Variants in WWOX observed in about 807,000 individuals in gnomAD.
WWOX encodes WW domain-containing oxidoreductase.
Under a neutral mutation model 46.2 loss-of-function variants are expected in WWOX, and 69 were observed. The ratio of observed to expected loss-of-function variants is 1.49; its 90% CI spans 1.23 to 1.82. The LOEUF (loss-of-function observed/expected upper bound fraction) is 1.82. Among genes scored for constraint, WWOX ranks in the 40% most tolerant of loss-of-function variants. The probability of loss-of-function intolerance (pLI) is 0.00; values close to 1 mark genes in which losing one functional copy is unlikely to be tolerated. For synonymous variants in WWOX, 359 were observed against 202.6 expected (o/e 1.77, Z -6.56); for missense variants, 919 against 542.6 (o/e 1.69, Z -6.89).
At chr16:78,499,725 C>A (rs1366414561) in intron 8 of WWOX, among the ~76,000 whole-genome samples, 2 of 152,096 alleles carry the variant, frequency 1.3e-5, no homozygotes, top group Non-Finnish European at 2.9e-5. Context: ...ATCTGTAGCT[C>A]CAGTATCCAG....
intron 8 of WWOX, among the ~76,000 whole-genome samples, chr16:78,985,806 G>GAT (rs753450161): frequency 4.9e-4 from 75 of 152,262 alleles, no homozygotes; most frequent in Admixed American, 1.6e-3. Flanking sequence ...AATTTACCTG[G>GAT]ATCCTCACAT....
chr16:78,243,086 A>G (rs1041112008), intron 5 of WWOX, among the ~76,000 whole-genome samples: 9 of 152,042 alleles, frequency 5.9e-5, no homozygotes, highest in Admixed American at 5.2e-4. Context: ...ACCCAGGTCC[A>G]TTCTTCCACT....
chr16:78,900,459 T>A (rs1166485390), intron 8 of WWOX, among the ~76,000 whole-genome samples: 3 of 152,212 alleles, frequency 2.0e-5, no homozygotes, highest in African/African-American at 7.2e-5. Flanking sequence ...GGAAAGTGAT[T>A]CATGAAACAG....
At chr16:78,723,594 TTTCTTTTCTTTTCTTTTCTTTTC>T (rs2048748631) in intron 8 of WWOX, among the ~76,000 whole-genome samples, 1 of 28,988 alleles carries the variant, frequency 3.4e-5, no homozygotes, top group African/African-American at 2.2e-4. Context: ...TTTCTTTTCT[TTTCTTTTCTTTTCTTTTCTTTTC>T]TTTTCTTTTC....
intron 8 of WWOX, among the ~76,000 whole-genome samples, chr16:78,894,789 A>G (rs62036258): frequency 0.12 from 18,912 of 152,158 alleles, 1,514 homozygotes; most frequent in Non-Finnish European, 0.17. Flanking sequence ...TTATCATATG[A>G]AGTTGACCTT....
chr16:78,493,941 G>T (rs2084847909), intron 8 of WWOX, among the ~76,000 whole-genome samples: 1 of 152,164 alleles, frequency 6.6e-6, no homozygotes, highest in South Asian at 2.1e-4. Flanking sequence ...ATAATAATTG[G>T]AAAGTGTATT....
intron 5 of WWOX, among the ~76,000 whole-genome samples, chr16:78,335,980 T>A (rs1201624685): frequency 6.6e-6 from 1 of 152,010 alleles, no homozygotes; most frequent in Admixed American, 6.5e-5. Context: ...TAGTCCCAGC[T>A]ATTTGGAAGG....
chr16:78,761,015 C>T (rs989206311), intron 8 of WWOX, among the ~76,000 whole-genome samples: 6 of 152,032 alleles, frequency 3.9e-5, no homozygotes, highest in African/African-American at 1.4e-4. Flanking sequence ...CAGGAAAGAC[C>T]CTCCCCCATG....
intron 8 of WWOX, among the ~76,000 whole-genome samples, chr16:78,792,924 A>T (rs997052340): frequency 6.6e-6 from 1 of 152,168 alleles, no homozygotes; most frequent in African/African-American, 2.4e-5. Flanking sequence ...AAAGACGCAG[A>T]CCCAAACCTT....
intron 8 of WWOX, among the ~76,000 whole-genome samples, chr16:78,908,157 A>C (rs1282990816): frequency 6.6e-6 from 1 of 152,148 alleles, no homozygotes; most frequent in East Asian, 1.9e-4. Flanking sequence ...CAGTGTCACA[A>C]CTTAAGAGCC....
At chr16:79,210,561 C>A (rs569880130) in intron 8 of WWOX, among the ~76,000 whole-genome samples, 1 of 152,174 alleles carries the variant, frequency 6.6e-6, no homozygotes, top group Admixed American at 6.5e-5. Flanking sequence ...TCCTCTCTTG[C>A]AACCCCTCTC....
intron 8 of WWOX, among the ~76,000 whole-genome samples, chr16:78,932,472 C>G (rs1045566349): frequency 2.0e-5 from 3 of 152,200 alleles, no homozygotes; most frequent in Non-Finnish European, 4.4e-5. Flanking sequence ...CACCGACAGC[C>G]ACAGATAGAT....
In WWOX at chr16:78,757,148, G is replaced by A. The variant is rs1031719401; in HGVS notation, c.1056+324396G>A. The A allele has an allele frequency of 2.7e-5, 17 of 623,528 alleles. No homozygotes were observed. In the African/African-American group the frequency reaches 3.1e-4, roughly 12 times the overall value. 38.6% of individuals were successfully genotyped at this position (623,528 alleles called of 1,614,324 possible). On this transcript the variant is annotated intron_variant, in intron 8 of 8. Transcript: ENST00000566780. The stretch of plus-strand genomic sequence containing the variant: ...AACCACCGAGCTAAGCTGCTCACAA[G>A]TTTCTGCACCACAGAAATTCTTGTG...
At chr16:79,008,151 T>G (rs371374394) in intron 8 of WWOX, among the ~76,000 whole-genome samples, 2 of 152,158 alleles carry the variant, frequency 1.3e-5, no homozygotes, top group East Asian at 3.9e-4. Flanking sequence ...GGTGCTTGTT[T>G]TCTTGCTGGC....
intron 8 of WWOX, among the ~76,000 whole-genome samples, chr16:78,433,584 T>G (rs935370932): frequency 2.0e-5 from 3 of 152,104 alleles, no homozygotes; most frequent in African/African-American, 4.8e-5. Context: ...CCAAACACAT[T>G]TGCCTTTTAG....
At chr16:78,478,942 C>T (rs909536990) in intron 8 of WWOX, among the ~76,000 whole-genome samples, 1 of 151,914 alleles carries the variant, frequency 6.6e-6, no homozygotes, top group Admixed American at 6.6e-5. Flanking sequence ...CCATCATGGC[C>T]CCTTTTCTCC....
Position 78,432,715 on chromosome 16 carries a change from T to G in WWOX, c.1019T>G (p.Leu340Arg). Residue 340 changes from leucine (L) to arginine (R), a missense_variant, in exon 8 of 9, where the codon CTG becomes CGG. Transcript: ENST00000566780. ...CATCGCAGCTGGTGGGTGTACACAC[T>G]GCTGTTTACCTTGGCGAGGCCTTTC... Reference protein sequence around the residue: ...NIHRSWWVYTLLFTLARPFTK... With the variant: ...NIHRSWWVYTRLFTLARPFTK... 1 of 1,614,220 alleles carries G rather than the reference T, an allele frequency of 6.2e-7. No individual in the cohort carries two copies. Among genetic ancestry groups the G allele is most frequent in the Non-Finnish European group, 8.5e-7 (1 of 1,180,042 alleles).
chr16:78,407,314 C>T (rs1358718588), intron 6 of WWOX, among the ~76,000 whole-genome samples: 2 of 152,084 alleles, frequency 1.3e-5, no homozygotes, highest in African/African-American at 2.4e-5. Flanking sequence ...TGAGAAATGC[C>T]CCAGATGGTG....
intron 8 of WWOX, among the ~76,000 whole-genome samples, chr16:78,473,028 T>C (rs1351408982): frequency 6.6e-6 from 1 of 152,150 alleles, no homozygotes; most frequent in Non-Finnish European, 1.5e-5. Flanking sequence ...TGAAAAAATA[T>C]GAAAGGAAAA....
Sources: allele counts gnomAD v4.1 joint callset (sites outside exome capture counted in the v4.1 genomes callset), GRCh38; gene constraint gnomAD v4.1.1; transcripts MANE v1.5; gene names NCBI Gene and HGNC (gene_info 2026-07-23, HGNC 2026-07-21).